Variants in ENTREP2 observed in about 807,000 individuals in gnomAD.
ENTREP2 encodes the protein endosomal transmembrane epsin interactor 2.
the ENTREP2 span, among the ~76,000 whole-genome samples, chr15:29,490,641 T>C: frequency 6.6e-6 from 1 of 152,092 alleles, no homozygotes; most frequent in Non-Finnish European, 1.5e-5. Context: ...TCTAGCTAGG[T>C]GTAAAAGTTC....
the ENTREP2 span, among the ~76,000 whole-genome samples, chr15:29,354,139 G>C: frequency 6.6e-6 from 1 of 152,194 alleles, no homozygotes. Flanking sequence ...CAAAAAGGCA[G>C]AGGAAGGGCG....
chr15:29,401,834 A>T, the ENTREP2 span, among the ~76,000 whole-genome samples: 1 of 152,196 alleles, frequency 6.6e-6, no homozygotes, highest in East Asian at 1.9e-4. Flanking sequence ...GCCACTGTGG[A>T]ATGATCTCGA....
chr15:29,319,817 T>C, the ENTREP2 span, among the ~76,000 whole-genome samples: 1 of 152,108 alleles, frequency 6.6e-6, no homozygotes, highest in Non-Finnish European at 1.5e-5. Flanking sequence ...CAAACGTTAA[T>C]TCTGACAAAT....
At chr15:29,290,786 T>C in the ENTREP2 span, among the ~76,000 whole-genome samples, 2 of 152,220 alleles carry the variant, frequency 1.3e-5, no homozygotes, top group East Asian at 1.9e-4. Context: ...TGAACTTCTA[T>C]AGAAAGGACT....
the ENTREP2 span, among the ~76,000 whole-genome samples, chr15:29,365,523 A>G: frequency 6.6e-6 from 1 of 152,094 alleles, no homozygotes; most frequent in South Asian, 2.1e-4. Flanking sequence ...AAGTGCTGGG[A>G]TTACAAGCTC....
the ENTREP2 span, among the ~76,000 whole-genome samples, chr15:29,638,909 G>A: frequency 9.2e-5 from 14 of 152,182 alleles, no homozygotes; most frequent in Non-Finnish European, 1.9e-4. Flanking sequence ...CAGCTCAAAG[G>A]GCTGAGCCCA....
the ENTREP2 span, among the ~76,000 whole-genome samples, chr15:29,617,011 G>T: frequency 6.6e-6 from 1 of 152,190 alleles, no homozygotes; most frequent in Middle Eastern, 3.2e-3. Flanking sequence ...AGTGAGCCGA[G>T]ATCATGCCAC....
At chr15:29,658,503 G>T in the ENTREP2 span, among the ~76,000 whole-genome samples, 2 of 152,144 alleles carry the variant, frequency 1.3e-5, no homozygotes, top group African/African-American at 4.8e-5. Context: ...ATTTTTAGGG[G>T]TGATAGAATC....
At chr15:29,472,971 T>C in the ENTREP2 span, among the ~76,000 whole-genome samples, 1 of 152,082 alleles carries the variant, frequency 6.6e-6, no homozygotes, top group Admixed American at 6.5e-5. Flanking sequence ...GTCAGTACAC[T>C]CAGTCACCAG....
At chr15:29,665,537 G>A in the ENTREP2 span, among the ~76,000 whole-genome samples, 12 of 152,168 alleles carry the variant, frequency 7.9e-5, no homozygotes, top group African/African-American at 2.9e-4. Flanking sequence ...GAATCTCCTC[G>A]TGGGAGGAAA....
the ENTREP2 span, among the ~76,000 whole-genome samples, chr15:29,199,556 T>C: frequency 6.6e-6 from 1 of 152,188 alleles, no homozygotes; most frequent in Non-Finnish European, 1.5e-5. Context: ...TCCTGGGAAG[T>C]TTGAGAGTAA....
At chr15:29,567,526 A>G in the ENTREP2 span, among the ~76,000 whole-genome samples, 2 of 152,180 alleles carry the variant, frequency 1.3e-5, no homozygotes, top group Non-Finnish European at 2.9e-5. Flanking sequence ...TAAGTCACTC[A>G]TCCCTCTTCC....
chr15:29,153,914 C>T, the ENTREP2 span, among the ~76,000 whole-genome samples: 1 of 152,338 alleles, frequency 6.6e-6, no homozygotes, highest in East Asian at 1.9e-4. Flanking sequence ...TCAAGTGATC[C>T]TCCCACCTCA....
At chr15:29,224,205 T>C in the ENTREP2 span, among the ~76,000 whole-genome samples, 1 of 151,962 alleles carries the variant, frequency 6.6e-6, no homozygotes, top group Non-Finnish European at 1.5e-5. Context: ...AGCTCTCAAA[T>C]CGGCGCGTCT....
the ENTREP2 span, among the ~76,000 whole-genome samples, chr15:29,656,029 A>AAAAC: frequency 2.0e-5 from 3 of 150,934 alleles, no homozygotes; most frequent in African/African-American, 7.4e-5. Context: ...GTTTAAAAAA[A>AAAAC]AAAAAAAAAA....
chr15:29,369,087 C>T, the ENTREP2 span, among the ~76,000 whole-genome samples: 3 of 151,822 alleles, frequency 2.0e-5, no homozygotes, highest in African/African-American at 7.3e-5. Flanking sequence ...GTGTGTGAGC[C>T]ATCATAAAGT....
chr15:29,628,752 CTTTA>C, the ENTREP2 span, among the ~76,000 whole-genome samples: 13 of 152,116 alleles, frequency 8.5e-5, no homozygotes, highest in East Asian at 5.8e-4. Context: ...ATGGTTGCAT[CTTTA>C]TTTATTTATT....
At chr15:29,215,407 C>T in the ENTREP2 span, among the ~76,000 whole-genome samples, 4 of 151,992 alleles carry the variant, frequency 2.6e-5, no homozygotes, top group Admixed American at 6.6e-5. Flanking sequence ...ACTGGCCTAG[C>T]CTCCCAGCCT....
At chr15:29,157,275 T>G in the ENTREP2 span, among the ~76,000 whole-genome samples, 3 of 152,144 alleles carry the variant, frequency 2.0e-5, no homozygotes, top group Non-Finnish European at 4.4e-5. Flanking sequence ...AGTTCAAATG[T>G]GCCTTCACCT....
Sources: gnomAD v4.1 joint callset for allele counts (sites outside exome capture counted in the v4.1 genomes callset) on GRCh38, gnomAD v4.1.1 for gene constraint, MANE v1.5 for transcripts, NCBI Gene and HGNC (gene_info 2026-07-23, HGNC 2026-07-21) for gene names.